CDS2: variants seen among roughly 807,000 people sequenced by gnomAD.
The protein encoded by CDS2 is phosphatidate cytidylyltransferase 2.
Under a neutral mutation model 59.0 loss-of-function variants are expected in CDS2, and 47 were observed. That is an observed-to-expected ratio of 0.80 (90% CI 0.63 to 1.02). The LOEUF (loss-of-function observed/expected upper bound fraction) is 1.02. Among genes scored for constraint, CDS2 ranks in the 50% least tolerant of loss-of-function variants. The probability of loss-of-function intolerance (pLI) is 0.00; values close to 1 mark genes in which losing one functional copy is unlikely to be tolerated. For synonymous variants in CDS2, 207 were observed against 206.4 expected, an observed-to-expected ratio of 1.00 and a Z score of -0.02; for missense variants, 356 against 558.9, an observed-to-expected ratio of 0.64 and a Z score of 3.66.
At chr20:5,142,107 A>G (rs1401957215) in intron 1 of CDS2, among the ~76,000 whole-genome samples, 1 of 152,214 alleles carries the variant, frequency 6.6e-6, no homozygotes, top group Non-Finnish European at 1.5e-5. Flanking sequence ...TGAGGCCAGG[A>G]GTTCAAGACA....
chr20:5,166,138 G>A (rs1458919660), intron 1 of CDS2, among the ~76,000 whole-genome samples: 2 of 152,176 alleles, frequency 1.3e-5, no homozygotes, highest in African/African-American at 2.4e-5. Flanking sequence ...GAGGTAGCCA[G>A]TTAGGCTGTT....
rs1411510809 is a variant in CDS2, at chr20:5,195,476, A to G, written c.*5242A>G. ...AGAATCCAGCTCACCTCCTCTGCCCACAGTCTGGACTGCTTGTGGGAAGGC... is the reference window on the plus strand; with the variant it reads ...AGAATCCAGCTCACCTCCTCTGCCCGCAGTCTGGACTGCTTGTGGGAAGGC... On this transcript the variant is annotated 3_prime_UTR_variant, in exon 13 of 13. Transcript: ENST00000460006. 2.0e-5 allele frequency: 3 copies of G among 152,152 alleles called. No individual in the cohort carries two copies. Among genetic ancestry groups the G allele is most frequent in the Non-Finnish European group, 4.4e-5 (3 of 68,112 alleles). 9.4% of individuals were successfully genotyped at this position (152,152 alleles called of 1,614,324 possible). A position where few individuals can be genotyped will look rare whatever the true frequency, so the allele number is the denominator to read the frequency against.
intron 1 of CDS2, among the ~76,000 whole-genome samples, chr20:5,137,304 C>T (rs552204533): frequency 1.3e-5 from 2 of 150,376 alleles, no homozygotes; most frequent in Non-Finnish European, 3.0e-5. Flanking sequence ...AGTGCAGTAG[C>T]GTGATCTCGG....
rs940915005 is a variant in CDS2, at chr20:5,176,676, A to G, written c.320A>G (p.His107Arg). ...ATGTGCGTTCAGATTAAGTGTTTCC[A>G]TGAGATAATCACTATTGGCTACAAC... ...IVMCVQIKCF[H>R]EIITIGYNVY... Residue 107 changes from histidine to arginine, a missense_variant, in exon 4 of 13, where the codon CAT becomes CGT. This residue lies in a region of CDS2 where 87 missense variants were observed against 193.3 expected (regional missense o/e 0.45). Transcript: ENST00000460006. 6 of 1,613,738 alleles carry G rather than the reference A, an allele frequency of 3.7e-6. No individual in the cohort carries two copies. In the African/African-American group the frequency reaches 4.0e-5, roughly 11 times the overall value.
At chr20:5,155,975 G>A (rs575713540) in intron 1 of CDS2, among the ~76,000 whole-genome samples, 7 of 152,240 alleles carry the variant, frequency 4.6e-5, no homozygotes, top group African/African-American at 1.7e-4. Context: ...GGACTAGGAT[G>A]GATTGTGGAG....
Position 5,192,732 on chromosome 20 carries a change from T to C in CDS2, c.*2498T>C, listed in dbSNP as rs2295511. Reference sequence around the variant, plus strand: ...CATGGTTTTATGCTTCTCATTTGTTTATGTATTCATGAATACTGCATAGTC... The same window carrying C: ...CATGGTTTTATGCTTCTCATTTGTTCATGTATTCATGAATACTGCATAGTC... On this transcript the variant is annotated 3_prime_UTR_variant, in exon 13 of 13. Coordinates refer to ENST00000460006, the MANE Select transcript of CDS2 (RefSeq NM_003818.4). The C allele has an allele frequency of 0.4, 60,359 of 152,034 alleles. 12,611 individuals carry two copies. The highest frequency in any genetic ancestry group is 0.52 in the African/African-American group (21,545 of 41,464). 9.4% of individuals were successfully genotyped at this position (152,034 alleles called of 1,614,324 possible). A position where few individuals can be genotyped will look rare whatever the true frequency, so the allele number is the denominator to read the frequency against.
chr20:5,135,634 C>T (rs566652287), intron 1 of CDS2, among the ~76,000 whole-genome samples: 3 of 152,298 alleles, frequency 2.0e-5, no homozygotes, highest in South Asian at 2.1e-4. Flanking sequence ...CCTCCCCACC[C>T]CCACGTATGG....
chr20:5,171,362 CCCCTGCTGCTCTGGAGCGCAGT>C (rs1178569460), intron 1 of CDS2, among the ~76,000 whole-genome samples: 1 of 152,214 alleles, frequency 6.6e-6, no homozygotes. Context: ...AGTGCCCTCT[CCCCTGCTGCTCTGGAGCGCAGT>C]CCCTGCAGCT....
chr20:5,180,283 A>G (rs1052521170), intron 5 of CDS2, among the ~76,000 whole-genome samples: 1 of 151,536 alleles, frequency 6.6e-6, no homozygotes, highest in Non-Finnish European at 1.5e-5. Context: ...TATGAATACT[A>G]GGACAGGTAT....
At chr20:5,136,433 T>C (rs1375323293) in intron 1 of CDS2, among the ~76,000 whole-genome samples, 1 of 152,236 alleles carries the variant, frequency 6.6e-6, no homozygotes, top group Non-Finnish European at 1.5e-5. Flanking sequence ...TGTTGTTTGT[T>C]GTCTGTTTGT....
In CDS2 at chr20:5,167,643, A is replaced by AG. The variant is rs554727562; in HGVS notation, c.58-5878dup. On this transcript the variant is annotated intron_variant, in intron 1 of 12. Transcript: ENST00000460006. The stretch of plus-strand genomic sequence containing the variant: ...CCACCTAAGTCCCTGACACTTATTA[A>AG]GGATGCTTATTAAGGATAAACCCAT... Among the ~76,000 whole-genome samples, 925 of 152,170 alleles carry AG rather than the reference A, an allele frequency of 6.1e-3. 7 individuals carry two copies. Among genetic ancestry groups the AG allele is most frequent in the Non-Finnish European group, 9.3e-3 (631 of 68,020 alleles).
chr20:5,176,558 A>G, intron 3 of CDS2, 90 bp from the exon 4 acceptor site: 2 of 972,818 alleles, frequency 2.1e-6, no homozygotes, highest in Non-Finnish European at 3.3e-6. Context: ...CTTAAGTATA[A>G]TGGGTTTTCT....
intron 1 of CDS2, among the ~76,000 whole-genome samples, chr20:5,151,750 CTTTTTTTTTTTTTTTTTTTT>C (rs57378947): frequency 1.9e-5 from 1 of 53,178 alleles, no homozygotes. Flanking sequence ...GACTCCATGT[CTTTTTTTTTTTTTTTTTTTT>C]TTTTTTTTTT....
intron 1 of CDS2, among the ~76,000 whole-genome samples, chr20:5,133,825 T>A (rs1339706419): frequency 6.6e-6 from 1 of 152,220 alleles, no homozygotes; most frequent in Non-Finnish European, 1.5e-5. Context: ...GCGCCTGGCC[T>A]ATGAAGGTCT....
intron 5 of CDS2, among the ~76,000 whole-genome samples, 161 bp downstream of exon 5, chr20:5,179,117 T>C (rs1215738166): frequency 3.5e-5 from 5 of 144,428 alleles, no homozygotes; most frequent in Non-Finnish European, 6.1e-5. Context: ...GTAGCAGCTG[T>C]TACCTTTTTT....
At position 5,127,019 on chromosome 20, in the gene CDS2, C is replaced by G. The variant is rs1027189509; in HGVS notation, c.-74C>G. Reference sequence around the variant, plus strand: ...GCGGGGCCGGCCGTGGGAGTCCGCGCGTGCCCGCGCCGAGCTGCCTGCTCC... The same window carrying G: ...GCGGGGCCGGCCGTGGGAGTCCGCGGGTGCCCGCGCCGAGCTGCCTGCTCC... On this transcript the variant is annotated 5_prime_UTR_variant, in exon 1 of 13. Coordinates refer to ENST00000460006, the MANE Select transcript of CDS2 (RefSeq NM_003818.4). The G allele has an allele frequency of 2.2e-6, 3 of 1,391,392 alleles. No homozygotes were observed. The highest frequency in any genetic ancestry group is 1.5e-5 in the African/African-American group (1 of 65,472). The allele number at this position is 1,391,392 out of a possible 1,614,324, so 86.2% of individuals were successfully genotyped here.
At chr20:5,134,667 C>A (rs1476433552) in intron 1 of CDS2, among the ~76,000 whole-genome samples, 3 of 151,874 alleles carry the variant, frequency 2.0e-5, no homozygotes, top group Admixed American at 1.3e-4. Flanking sequence ...ATTACAGGCG[C>A]CCACCATCAC....
intron 1 of CDS2, among the ~76,000 whole-genome samples, chr20:5,148,243 A>G (rs1240794941): frequency 6.6e-6 from 1 of 152,160 alleles, no homozygotes; most frequent in South Asian, 2.1e-4. Context: ...TGGAGGTGGC[A>G]CAGGTACCAG....
chr20:5,169,206 C>G (rs959324168), intron 1 of CDS2, among the ~76,000 whole-genome samples: 1 of 152,230 alleles, frequency 6.6e-6, no homozygotes, highest in African/African-American at 2.4e-5. Context: ...TCTGCCCCAC[C>G]TGGCCTCTGT....
Sources: allele counts gnomAD v4.1 joint callset (sites outside exome capture counted in the v4.1 genomes callset), GRCh38; gene constraint gnomAD v4.1.1; regional missense constraint gnomAD v4.1.1; transcripts MANE v1.5; gene names NCBI Gene and HGNC (gene_info 2026-07-23, HGNC 2026-07-21).